AUTS2: variants seen among roughly 807,000 people sequenced by gnomAD.
AUTS2 encodes activator of transcription and developmental regulator AUTS2, also known as autism susceptibility gene 2 protein.
Under a neutral mutation model 112.4 loss-of-function variants are expected in AUTS2, and 17 were observed. That is an observed-to-expected ratio of 0.15 (90% CI 0.10 to 0.23). AUTS2 has a LOEUF of 0.23. Among genes scored for constraint, AUTS2 ranks in the 10% least tolerant of loss-of-function variants. The pLI is 1.00. For synonymous variants in AUTS2, 751 were observed against 702.7 expected (o/e 1.07, Z -1.09); for missense variants, 1,510 against 1,701.6 (o/e 0.89, Z 1.98).
intron 1 of AUTS2, among the ~76,000 whole-genome samples, chr7:69,730,771 C>A (rs1487306327): frequency 6.6e-6 from 1 of 152,132 alleles, no homozygotes; most frequent in African/African-American, 2.4e-5. Flanking sequence ...GGATTTTTCT[C>A]AATAGCTAGA....
At chr7:70,370,304 C>T (rs1282977971) in intron 4 of AUTS2, among the ~76,000 whole-genome samples, 4 of 152,120 alleles carry the variant, frequency 2.6e-5, no homozygotes, top group Non-Finnish European at 4.4e-5. Context: ...ACCCTGCACT[C>T]CCTATCCATA....
intron 12 of AUTS2, chr7:70,774,312 C>A: frequency 1.9e-6 from 1 of 536,988 alleles, no homozygotes; most frequent in Non-Finnish European, 3.3e-6. Context: ...ACCGACTTGC[C>A]GATGGGAGAA....
intron 2 of AUTS2, among the ~76,000 whole-genome samples, chr7:69,905,521 G>C (rs139416344): frequency 1.3e-5 from 2 of 152,268 alleles, no homozygotes; most frequent in African/African-American, 4.8e-5. Flanking sequence ...AGAGAGCCTA[G>C]AGTTTAGATG....
chr7:70,375,050 C>T (rs2129631069), intron 4 of AUTS2, among the ~76,000 whole-genome samples: 1 of 152,284 alleles, frequency 6.6e-6, no homozygotes, highest in Non-Finnish European at 1.5e-5. Context: ...TTCAGCTCTT[C>T]CTTGATAATC....
At chr7:69,824,368 C>T (rs1347748414) in intron 1 of AUTS2, among the ~76,000 whole-genome samples, 3 of 151,290 alleles carry the variant, frequency 2.0e-5, no homozygotes, top group African/African-American at 7.3e-5. Context: ...GAGATCGCGC[C>T]ACCGCACTCC....
At chr7:69,993,490 A>G (rs1798821451) in intron 2 of AUTS2, among the ~76,000 whole-genome samples, 1 of 152,156 alleles carries the variant, frequency 6.6e-6, no homozygotes, top group Admixed American at 6.5e-5. Context: ...GTGGCTCATA[A>G]TTCCAGCACT....
intron 1 of AUTS2, among the ~76,000 whole-genome samples, chr7:69,818,173 C>T (rs1026907342): frequency 6.6e-6 from 1 of 152,156 alleles, no homozygotes; most frequent in Admixed American, 6.5e-5. Context: ...TCTGATGGTC[C>T]GTCAGAAACT....
intron 1 of AUTS2, among the ~76,000 whole-genome samples, chr7:69,806,227 T>TTC (rs1562895709): frequency 6.4e-5 from 9 of 140,152 alleles, no homozygotes; most frequent in Non-Finnish European, 1.4e-4. Flanking sequence ...TTTTTTTTTT[T>TTC]TAAACCAGCG....
chr7:70,787,583 C>G, intron 18 of AUTS2, 152 bp downstream of exon 18: 1 of 619,228 alleles, frequency 1.6e-6, no homozygotes, highest in Non-Finnish European at 2.9e-6. Context: ...CCCGCAGCCC[C>G]TCGCAGTCCC....
At chr7:70,433,333 C>T (rs1184956570) in intron 4 of AUTS2, among the ~76,000 whole-genome samples, 1 of 152,192 alleles carries the variant, frequency 6.6e-6, no homozygotes, top group Non-Finnish European at 1.5e-5. Context: ...TTGATTACCT[C>T]ACAAGGAGCG....
chr7:70,729,237 C>T (rs1293728268), intron 6 of AUTS2: 1 of 455,720 alleles, frequency 2.2e-6, no homozygotes, highest in South Asian at 1.6e-5. Context: ...ATGGCTGGGC[C>T]AGTGCGGACC....
chr7:70,533,134 T>C (rs1166215451), intron 5 of AUTS2, among the ~76,000 whole-genome samples: 3 of 152,134 alleles, frequency 2.0e-5, no homozygotes, highest in Non-Finnish European at 2.9e-5. Flanking sequence ...ATTTATTTAT[T>C]TATTTAGAGA....
intron 4 of AUTS2, among the ~76,000 whole-genome samples, chr7:70,411,015 C>G (rs1021213785): frequency 4.6e-5 from 7 of 151,930 alleles, no homozygotes; most frequent in African/African-American, 1.7e-4. Context: ...AGGCACCCAC[C>G]ACCATGCCTG....
chr7:70,469,083 A>C (rs533786056), intron 5 of AUTS2, among the ~76,000 whole-genome samples: 1 of 152,246 alleles, frequency 6.6e-6, no homozygotes. Flanking sequence ...TCAGATGGCC[A>C]AGTCAGAATT....
chr7:69,829,527 T>C (rs1179596683), intron 1 of AUTS2, among the ~76,000 whole-genome samples: 2 of 151,960 alleles, frequency 1.3e-5, no homozygotes, highest in Non-Finnish European at 2.9e-5. Context: ...ACAAGGAACT[T>C]AAACAAATTT....
intron 6 of AUTS2, among the ~76,000 whole-genome samples, chr7:70,745,601 G>C (rs1788402011): frequency 1.3e-5 from 2 of 152,110 alleles, no homozygotes; most frequent in African/African-American, 4.8e-5. Flanking sequence ...GACTGCTATA[G>C]ACGGAGCGTG....
intron 5 of AUTS2, among the ~76,000 whole-genome samples, chr7:70,629,309 A>G (rs1007291499): frequency 3.9e-5 from 6 of 152,146 alleles, no homozygotes; most frequent in African/African-American, 1.4e-4. Context: ...CGTCTCTACT[A>G]AAAATACAAA....
intron 1 of AUTS2, among the ~76,000 whole-genome samples, chr7:69,894,258 T>TG (rs1262650083): frequency 7.6e-5 from 10 of 132,108 alleles, no homozygotes; most frequent in South Asian, 2.6e-4. Flanking sequence ...AAGCGTTTTT[T>TG]TTTTTTTTTT....
At chr7:69,699,464 G>A (rs1188065201) in intron 1 of AUTS2, among the ~76,000 whole-genome samples, 2 of 151,862 alleles carry the variant, frequency 1.3e-5, no homozygotes, top group Non-Finnish European at 2.9e-5. Flanking sequence ...TTGCTGTTTT[G>A]TAGTTACCAA....
Sources: allele counts gnomAD v4.1 joint callset (sites outside exome capture counted in the v4.1 genomes callset), GRCh38; gene constraint gnomAD v4.1.1; transcripts MANE v1.5; gene names NCBI Gene and HGNC (gene_info 2026-07-23, HGNC 2026-07-21).